Variants in GPATCH2 observed in about 807,000 individuals in gnomAD.
The protein encoded by GPATCH2 is G-patch domain containing 2, also known as G patch domain-containing protein 2.
A neutral mutation model predicts 58.0 loss-of-function variants in GPATCH2; 51 were observed. The observed-to-expected ratio is 0.88, with a 90% confidence interval of 0.70 to 1.11. The LOEUF is 1.11. Among genes scored for constraint, GPATCH2 ranks in the 50% most tolerant of loss-of-function variants. The pLI is 0.00. For missense variants in GPATCH2, 625 were observed against 652.2 expected, an observed-to-expected ratio of 0.96 and a Z score of 0.45; for synonymous variants, 222 against 218.5, an observed-to-expected ratio of 1.02 and a Z score of -0.14.
chr1:217,477,732 G>C (rs1324722636), intron 8 of GPATCH2, among the ~76,000 whole-genome samples: 1 of 152,154 alleles, frequency 6.6e-6, no homozygotes, highest in Non-Finnish European at 1.5e-5. Context: ...CAAATCAGTG[G>C]AGTATAACAG....
intron 8 of GPATCH2, among the ~76,000 whole-genome samples, chr1:217,485,213 A>C (rs1440093253): frequency 2.0e-5 from 3 of 152,172 alleles, no homozygotes; most frequent in African/African-American, 7.2e-5. Flanking sequence ...AGAGGAGAAA[A>C]TAAATTTGCC....
At chr1:217,486,803 G>A (rs927876604) in intron 8 of GPATCH2, among the ~76,000 whole-genome samples, 2 of 152,150 alleles carry the variant, frequency 1.3e-5, no homozygotes, top group Non-Finnish European at 2.9e-5. Flanking sequence ...TAACCCCTTT[G>A]GTTAGGAGAA....
intron 5 of GPATCH2, among the ~76,000 whole-genome samples, chr1:217,547,173 C>A (rs921926032): frequency 2.0e-5 from 3 of 151,960 alleles, no homozygotes; most frequent in Admixed American, 6.6e-5. Flanking sequence ...ACCACCCTGG[C>A]CAACATAGTG....
rs186462456 is a variant in GPATCH2, at chr1:217,504,526, C to T, written c.1167-6131G>A. Among the ~76,000 whole-genome samples, 175 of 152,244 alleles carry T rather than the reference C, an allele frequency of 1.1e-3. 5 individuals carry two copies. Among genetic ancestry groups the T allele is most frequent in the Admixed American group, 0.011 (174 of 15,276 alleles). ...GTGGTAGAAGTAGTAATCAAAGTTG[C>T]AGTAAAAGCACTATCACCACTCTAT... On this transcript the variant is annotated intron_variant, in intron 6 of 9. Transcript: ENST00000366935.
intron 5 of GPATCH2, among the ~76,000 whole-genome samples, chr1:217,527,464 G>A (rs557322670): frequency 2.4e-4 from 35 of 148,256 alleles, no homozygotes; most frequent in Admixed American, 2.1e-3. Context: ...CCTGGGATAC[G>A]GCCAATAACA....
At position 217,630,847 on chromosome 1, in the gene GPATCH2, T is replaced by C. The variant is rs1466777506; in HGVS notation, c.56+69A>G. 6 of 1,145,102 alleles carry C rather than the reference T, an allele frequency of 5.2e-6. No individual in the cohort carries two copies. The East Asian group carries it at 7.6e-5, about 14-fold the overall frequency. The allele number at this position is 1,145,102 out of a possible 1,614,324, so 70.9% of individuals were successfully genotyped here. On this transcript the variant is annotated intron_variant, in intron 1 of 9. Transcript: ENST00000366935. ...AGCTCCCTCCCGCCTCCATTCCAGG[T>C]CCAGCGGAGCGGCCTCGGGCAATCA...
At chr1:217,508,616 T>C (rs1384403570) in intron 6 of GPATCH2, among the ~76,000 whole-genome samples, 2 of 152,182 alleles carry the variant, frequency 1.3e-5, no homozygotes, top group Non-Finnish European at 2.9e-5. Context: ...GCCAAATTAA[T>C]AAGAAGTAAC....
chr1:217,586,902 G>A (rs546035002), intron 5 of GPATCH2, among the ~76,000 whole-genome samples: 2 of 152,204 alleles, frequency 1.3e-5, no homozygotes, highest in South Asian at 2.1e-4. Flanking sequence ...GCACATGGCC[G>A]CATACACTGT....
rs751400229 is a variant in GPATCH2 at position 217,610,399 on chromosome 1, AC to A, written c.1019del (p.Gly340ValfsTer67). 1 of 1,580,920 alleles carries A rather than the reference AC, an allele frequency of 6.3e-7. No individual in the cohort carries two copies. The highest frequency in any genetic ancestry group is 8.7e-7 in the Non-Finnish European group (1 of 1,152,598). ...GAAGGCGACTGAGTCTAGCTTGGAA[AC>A]CTGTAAAATCAAAGTACTCAATTTA... is the stretch of plus-strand genomic sequence containing the variant. Reference protein sequence around the residue: ...FPLMSHPSRRGFQARLSRLHG... With the variant: ...FPLMSHPSRRXFQARLSRLHG... On this transcript the variant is annotated frameshift_variant and splice_region_variant, in exon 5 of 10. Coordinates refer to ENST00000366935, the MANE Select transcript of GPATCH2 (RefSeq NM_018040.5). LOFTEE classifies it high-confidence loss of function.
chr1:217,438,184 C>G (rs1206997633), intron 9 of GPATCH2, among the ~76,000 whole-genome samples: 1 of 152,132 alleles, frequency 6.6e-6, no homozygotes, highest in Non-Finnish European at 1.5e-5. Flanking sequence ...GGAATAGCAT[C>G]AACATCAACA....
chr1:217,578,911 T>C lies in GPATCH2; in HGVS notation c.1098+31410A>G, dbSNP rs78748946. ...TAGTGTGTGAACATAGAATGATCGA[T>C]ACTCTAGTACATCCCAAAGACTTGA... On this transcript the variant is annotated intron_variant, in intron 5 of 9. Coordinates refer to ENST00000366935, the MANE Select transcript of GPATCH2 (RefSeq NM_018040.5). Among the ~76,000 whole-genome samples the C allele has an allele frequency of 9.0e-4, 137 of 152,328 alleles. 3 individuals are homozygous for C. The East Asian group carries it at 0.023, about 26-fold the overall frequency.
chr1:217,488,563 G>A (rs1342955189), intron 8 of GPATCH2, among the ~76,000 whole-genome samples: 1 of 151,634 alleles, frequency 6.6e-6, no homozygotes, highest in Non-Finnish European at 1.5e-5. Flanking sequence ...ACCCTTCCCT[G>A]TCATTATATT....
chr1:217,591,946 T>G (rs1197274075), intron 5 of GPATCH2, among the ~76,000 whole-genome samples: 2 of 152,158 alleles, frequency 1.3e-5, no homozygotes, highest in East Asian at 1.9e-4. Flanking sequence ...AATTTGTTAA[T>G]GTAGAAATTA....
chr1:217,439,837 GACTAATA>G (rs1321889176), intron 9 of GPATCH2, among the ~76,000 whole-genome samples: 1 of 152,186 alleles, frequency 6.6e-6, no homozygotes, highest in Non-Finnish European at 1.5e-5. Flanking sequence ...TCCCTGAATA[GACTAATA>G]ACAAGTTCTG....
Position 217,620,150 on chromosome 1 carries a change from C to T in GPATCH2, c.406G>A (p.Val136Ile). ...TGCCATAGAGGTCTTTTCCCTCGAACATTATTATTTAAGTTTGATGACGGC... is the reference window on the plus strand; with the variant it reads ...TGCCATAGAGGTCTTTTCCCTCGAATATTATTATTTAAGTTTGATGACGGC... ...RRPSSNLNNN[V>I]RGKRPLWHES... The change falls in exon 2 of 10, where the codon GTT (valine) becomes ATT (isoleucine). Residue 136 changes from valine to isoleucine, a missense_variant. Transcript: ENST00000366935. 1 of 1,614,108 alleles carries T rather than the reference C, an allele frequency of 6.2e-7. No homozygotes were observed. Among genetic ancestry groups the T allele is most frequent in the Non-Finnish European group, 8.5e-7 (1 of 1,179,984 alleles).
At chr1:217,601,797 G>A (rs953215592) in intron 5 of GPATCH2, among the ~76,000 whole-genome samples, 10 of 151,942 alleles carry the variant, frequency 6.6e-5, no homozygotes, top group African/African-American at 2.4e-4. Flanking sequence ...TTTTCTCCAT[G>A]TCCATTTTTA....
intron 6 of GPATCH2, among the ~76,000 whole-genome samples, chr1:217,512,416 C>T (rs764076069): frequency 1.3e-5 from 2 of 152,144 alleles, no homozygotes; most frequent in Non-Finnish European, 2.9e-5. Context: ...ATGTTTGGAA[C>T]CCCTAAATGG....
chr1:217,449,375 G>A, intron 8 of GPATCH2, 38 bp from the exon 9 acceptor site: 3 of 1,224,994 alleles, frequency 2.4e-6, no homozygotes, highest in African/African-American at 1.5e-5. Context: ...TAACAAAGAA[G>A]AAAAAATGAC....
chr1:217,600,585 CA>C, intron 5 of GPATCH2, among the ~76,000 whole-genome samples: 1 of 151,992 alleles, frequency 6.6e-6, no homozygotes, highest in Non-Finnish European at 1.5e-5. Context: ...ATAATTGTAT[CA>C]GAAACATAAA....
Sources: gnomAD v4.1 joint callset for allele counts (sites outside exome capture counted in the v4.1 genomes callset) on GRCh38, gnomAD v4.1.1 for gene constraint, MANE v1.5 for transcripts, NCBI Gene and HGNC (gene_info 2026-07-23, HGNC 2026-07-21) for gene names.